PDIA5: variants seen among roughly 807,000 people sequenced by gnomAD.
PDIA5 encodes the protein protein disulfide-isomerase A5.
A neutral mutation model predicts 77.6 loss-of-function variants in PDIA5; 58 were observed. The observed-to-expected ratio is 0.75, with a 90% CI of 0.61 to 0.93. PDIA5 has a LOEUF of 0.93. Among genes scored for constraint, PDIA5 ranks in the 40% least tolerant of loss-of-function variants. The pLI is 0.00. For synonymous variants in PDIA5, 250 were observed against 252.1 expected (o/e 0.99, Z 0.08); for missense variants, 630 against 647.7 (o/e 0.97, Z 0.30).
At chr3:123,125,833 C>T (rs371843343) in intron 10 of PDIA5, among the ~76,000 whole-genome samples, 2 of 152,276 alleles carry the variant, frequency 1.3e-5, no homozygotes, top group African/African-American at 4.8e-5. Context: ...ACCTCATTTC[C>T]AGCCCCTGCC....
chr3:123,146,058 T>C lies in PDIA5; in HGVS notation c.982-41T>C, dbSNP rs200893613. The C allele has an allele frequency of 5.7e-3, 9,110 of 1,600,980 alleles. 43 individuals are homozygous for C. Among genetic ancestry groups the C allele is most frequent in the Non-Finnish European group, 7.1e-3 (8,351 of 1,170,308 alleles). On this transcript the variant is annotated intron_variant, in intron 12 of 16. Transcript: ENST00000316218. ...GCTCCTGTGTTCCACCAGCACCGCATCTGAGGCTGTAATGCATGGTTGGCC... is the reference window on the plus strand; with the variant it reads ...GCTCCTGTGTTCCACCAGCACCGCACCTGAGGCTGTAATGCATGGTTGGCC...
At chr3:123,077,861 G>A (rs75310334) in intron 1 of PDIA5, among the ~76,000 whole-genome samples, 1 of 150,866 alleles carries the variant, frequency 6.6e-6, no homozygotes, top group East Asian at 1.9e-4. Context: ...CCAGGCTGGA[G>A]TGCAGTGGTG....
At chr3:123,129,208 A>G (rs770436496) in intron 10 of PDIA5, among the ~76,000 whole-genome samples, 1 of 152,228 alleles carries the variant, frequency 6.6e-6, no homozygotes, top group African/African-American at 2.4e-5. Flanking sequence ...AGATTGCATG[A>G]TGTTTGTCTA....
At chr3:123,099,935 C>T (rs1247095196) in intron 3 of PDIA5, among the ~76,000 whole-genome samples, 1 of 152,236 alleles carries the variant, frequency 6.6e-6, no homozygotes, top group African/African-American at 2.4e-5. Flanking sequence ...AGCGTCTGAG[C>T]CCCCAGGCAG....
Position 123,102,465 on chromosome 3 carries a change from G to A in PDIA5, c.312G>A (p.Lys104=). ...AGATGAAAGTTGACCTGAGCCCGAA[G>A]GACAAAAAGGTTGAATTATTCCATT... ...CKKMKVDLSP[K]DKKVELFHYQ... The change falls in exon 4 of 17, where the codon AAG becomes AAA. Residue 104 remains lysine (K), a synonymous_variant. Transcript: ENST00000316218. 1 of 1,613,942 alleles carries A rather than the reference G, an allele frequency of 6.2e-7. No individual in the cohort carries two copies. The highest frequency in any genetic ancestry group is 8.5e-7 in the Non-Finnish European group (1 of 1,179,798).
At chr3:123,112,848 C>T (rs1307451237) in intron 7 of PDIA5, among the ~76,000 whole-genome samples, 2 of 152,128 alleles carry the variant, frequency 1.3e-5, no homozygotes, top group African/African-American at 4.8e-5. Context: ...GTGTGAACCA[C>T]CGTGCCCGGC....
intron 11 of PDIA5, among the ~76,000 whole-genome samples, chr3:123,140,983 G>A (rs1035980635): frequency 7.2e-5 from 11 of 152,160 alleles, no homozygotes; most frequent in African/African-American, 2.2e-4. Flanking sequence ...CACCGCTGAT[G>A]GAAGCTGGCA....
At chr3:123,106,571 A>G (rs1275601953) in intron 5 of PDIA5, among the ~76,000 whole-genome samples, 178 bp from the exon 6 acceptor site, 1 of 152,190 alleles carries the variant, frequency 6.6e-6, no homozygotes, top group South Asian at 2.1e-4. Context: ...GCACTTATCC[A>G]TGATGTCAGT....
At chr3:123,097,256 C>T (rs1934467621) in intron 3 of PDIA5, among the ~76,000 whole-genome samples, 1 of 152,206 alleles carries the variant, frequency 6.6e-6, no homozygotes. Context: ...CTTGTGGCTT[C>T]AGATACCTTC....
chr3:123,124,217 C>T (rs1018894921), intron 9 of PDIA5, 55 bp from the exon 10 acceptor site: 12 of 1,577,870 alleles, frequency 7.6e-6, no homozygotes, highest in Non-Finnish European at 3.5e-6. Context: ...ACCATAATCT[C>T]AGGGTGGCAT....
intron 3 of PDIA5, among the ~76,000 whole-genome samples, chr3:123,097,966 GC>G (rs1934482995): frequency 1.3e-5 from 2 of 152,178 alleles, no homozygotes; most frequent in South Asian, 4.1e-4. Context: ...GAGGGGCTGA[GC>G]GTGGTCTCCC....
At chr3:123,097,682 C>T (rs1042452639) in intron 3 of PDIA5, among the ~76,000 whole-genome samples, 4 of 151,870 alleles carry the variant, frequency 2.6e-5, no homozygotes, top group African/African-American at 4.9e-5. Context: ...GCTCAGCACT[C>T]GCCCCCGCCC....
chr3:123,074,302 G>A (rs1933795195), intron 1 of PDIA5, among the ~76,000 whole-genome samples: 1 of 152,214 alleles, frequency 6.6e-6, no homozygotes, highest in Non-Finnish European at 1.5e-5. Flanking sequence ...AATTCAGGTA[G>A]TAAGTGCTGG....
intron 11 of PDIA5, among the ~76,000 whole-genome samples, chr3:123,133,015 G>C (rs1178477634): frequency 3.9e-5 from 6 of 152,218 alleles, no homozygotes; most frequent in Admixed American, 3.9e-4. Context: ...GATGGTAATA[G>C]CTCTGGATTA....
In PDIA5 at chr3:123,161,472, C is replaced by T. The variant is rs781122506; in HGVS notation, c.1479+17C>T. ...GACCGCACAGTAAGTGGGGGAGAGG[C>T]GTCTGCCCAGAGCTCTCTCTCTGCT... On this transcript the variant is annotated intron_variant, in intron 16 of 16. Transcript: ENST00000316218. 8.1e-6 allele frequency: 13 copies of T among 1,611,012 alleles called. No homozygotes were observed. Among genetic ancestry groups the T allele is most frequent in the African/African-American group, 2.7e-5 (2 of 74,908 alleles).
intron 11 of PDIA5, among the ~76,000 whole-genome samples, chr3:123,133,574 A>C (rs1169071045): frequency 6.6e-6 from 1 of 152,252 alleles, no homozygotes; most frequent in South Asian, 2.1e-4. Context: ...ATCAGACAGG[A>C]TGGAGCTACC....
intron 1 of PDIA5, among the ~76,000 whole-genome samples, chr3:123,074,378 G>C (rs113524476): frequency 6.6e-6 from 1 of 152,170 alleles, no homozygotes; most frequent in Non-Finnish European, 1.5e-5. Flanking sequence ...CTAATTCAAG[G>C]AGTCAGGAAA....
At chr3:123,158,694 G>C (rs1936077416) in intron 15 of PDIA5, among the ~76,000 whole-genome samples, 1 of 152,208 alleles carries the variant, frequency 6.6e-6, no homozygotes, top group Non-Finnish European at 1.5e-5. Flanking sequence ...AGAGTAGCAG[G>C]TGCTGTGGCA....
At position 123,116,148 on chromosome 3, in the gene PDIA5, G is replaced by T. The variant is rs1162141315; in HGVS notation, c.542-83G>T. 4 of 1,060,576 alleles carry T rather than the reference G, an allele frequency of 3.8e-6. No individual in the cohort carries two copies. The East Asian group carries it at 7.1e-5, about 19-fold the overall frequency. 65.7% of individuals were successfully genotyped at this position (1,060,576 alleles called of 1,614,324 possible). ...CTGGATAAGTGCTTGTTGGGTAGAG[G>T]ATGGCCATGGGGAGGCAGGGCAGGG... On this transcript the variant is annotated intron_variant, in intron 7 of 16. Transcript: ENST00000316218.
Sources: allele counts gnomAD v4.1 joint callset (sites outside exome capture counted in the v4.1 genomes callset), GRCh38; gene constraint gnomAD v4.1.1; transcripts MANE v1.5; gene names NCBI Gene and HGNC (gene_info 2026-07-23, HGNC 2026-07-21).